Variants in C17orf75 observed in about 807,000 individuals in gnomAD.
C17orf75 encodes the protein chromosome 17 open reading frame 75, also known as protein Njmu-R1.
Under a neutral mutation model 49.6 loss-of-function variants are expected in C17orf75, and 32 were observed. The ratio of observed to expected loss-of-function variants is 0.65; its 90% confidence interval spans 0.49 to 0.87. C17orf75 has a LOEUF of 0.87. C17orf75 is among the 40% of genes least tolerant of loss of function. The probability of loss-of-function intolerance (pLI) is 0.00; values close to 1 mark genes in which losing one functional copy is unlikely to be tolerated. For synonymous variants in C17orf75, 158 were observed against 159.5 expected (o/e 0.99, Z 0.07); for missense variants, 428 against 473.9 (o/e 0.90, Z 0.90).
upstream of C17orf75, among the ~76,000 whole-genome samples, chr17:32,346,062 C>T (rs1471640307): frequency 2.0e-5 from 3 of 152,080 alleles, no homozygotes. Context: ...ATTCTGGTGT[C>T]TCCAGCTCTA....
At chr17:32,333,940 C>T (rs1003431042) in intron 8 of C17orf75, among the ~76,000 whole-genome samples, 3 of 152,202 alleles carry the variant, frequency 2.0e-5, no homozygotes, top group African/African-American at 7.2e-5. Flanking sequence ...GATAATCATT[C>T]CCACAGACGT....
chr17:32,337,612 C>T (rs961673073), intron 5 of C17orf75, among the ~76,000 whole-genome samples: 7 of 152,096 alleles, frequency 4.6e-5, no homozygotes, highest in Admixed American at 1.3e-4. Context: ...TTAACTCTGT[C>T]GCTCAGGCTG....
upstream of C17orf75, chr17:32,343,886 G>A (rs2041404285): frequency 5.9e-6 from 4 of 679,474 alleles, no homozygotes; most frequent in South Asian, 1.5e-5. Context: ...AGTTACCACA[G>A]TCATGAGGAT....
chr17:32,339,080 G>C (rs2041353483), intron 3 of C17orf75, among the ~76,000 whole-genome samples: 1 of 151,874 alleles, frequency 6.6e-6, no homozygotes, highest in Admixed American at 6.6e-5. Flanking sequence ...AACAGAGTGA[G>C]ACTCTGTCTT....
intron 5 of C17orf75, 121 bp downstream of exon 5, chr17:32,337,776 G>A (rs1372062021): frequency 8.0e-6 from 6 of 753,732 alleles, no homozygotes; most frequent in East Asian, 3.1e-5. Flanking sequence ...ATATTGACCA[G>A]GCTGGTCTCT....
At chr17:32,339,029 T>G (rs1342116883) in intron 3 of C17orf75, among the ~76,000 whole-genome samples, 1 of 152,014 alleles carries the variant, frequency 6.6e-6, no homozygotes, top group African/African-American at 2.4e-5. Flanking sequence ...AGGCGGAGGT[T>G]GCAGTAAGCC....
At chr17:32,337,612 C>CATTATTTTTTTAACTCCA (rs754959556) in intron 5 of C17orf75, among the ~76,000 whole-genome samples, 131 of 152,214 alleles carry the variant, frequency 8.6e-4, no homozygotes, top group Non-Finnish European at 1.2e-3. Context: ...TTAACTCTGT[C>CATTATTTTTTTAACTCCA]GCTCAGGCTG....
At chr17:32,341,858 G>A in intron 1 of C17orf75, 142 bp downstream of exon 1, 1 of 1,081,738 alleles carries the variant, frequency 9.2e-7, no homozygotes, top group Non-Finnish European at 1.1e-6. Flanking sequence ...CTTCAGGCCA[G>A]AGACCTTGGC....
At chr17:32,341,937 C>T (rs2041384464) in intron 1 of C17orf75, 63 bp downstream of exon 1, 64 of 1,162,592 alleles carry the variant, frequency 5.5e-5, no homozygotes, top group South Asian at 1.5e-4. Context: ...CAAGGCCGGG[C>T]GGCGGGCCGG....
upstream of C17orf75, chr17:32,342,228 G>A: frequency 1.4e-6 from 2 of 1,392,952 alleles, no homozygotes; most frequent in Non-Finnish European, 1.9e-6. Context: ...TCCGGCTCCC[G>A]GCCCTCGCAC....
upstream of C17orf75, among the ~76,000 whole-genome samples, chr17:32,346,750 T>G (rs977687871): frequency 1.8e-4 from 27 of 152,266 alleles, no homozygotes; most frequent in Admixed American, 5.2e-4. Flanking sequence ...TTTTTGTATT[T>G]TTAGCAGAGA....
At position 32,338,300 on chromosome 17, in the gene C17orf75, T is replaced by A. The variant is rs767459452; in HGVS notation, c.399A>T (p.Lys133Asn). Residue 133 changes from lysine to asparagine, a missense_variant, in exon 4 of 10, where the codon AAA (lysine) becomes AAT (asparagine). By Grantham distance (94) the Lys-to-Asn change is moderately conservative (BLOSUM62 0). Coordinates refer to ENST00000577809, the MANE Select transcript of C17orf75 (RefSeq NM_022344.4). Reference sequence around the variant, plus strand: ...CTATCGTTACTGTTTCAGGAAGCAGTTTTTCATTTTGGAAAAGGCAGTAAT... The same window carrying A: ...CTATCGTTACTGTTTCAGGAAGCAGATTTTCATTTTGGAAAAGGCAGTAAT... ...GCYYCLFQNE[K>N]LLPETVTIDS... is the part of the protein sequence containing the mutation. 1.9e-5 allele frequency: 31 copies of A among 1,611,886 alleles called. No homozygotes were observed. The South Asian group carries it at 3.3e-4, about 17-fold the overall frequency.
chr17:32,329,612 A>G lies in C17orf75; in HGVS notation c.*2151T>C, dbSNP rs2041258684. 1 of 152,184 alleles carries G rather than the reference A, an allele frequency of 6.6e-6. No homozygotes were observed. The highest frequency in any genetic ancestry group is 1.5e-5 in the Non-Finnish European group (1 of 68,026). 9.4% of individuals were successfully genotyped at this position (152,184 alleles called of 1,614,324 possible). A position where few individuals can be genotyped will look rare whatever the true frequency, so the allele number is the denominator to read the frequency against. On this transcript the variant is annotated 3_prime_UTR_variant, in exon 10 of 10. Coordinates refer to ENST00000577809, the MANE Select transcript of C17orf75 (RefSeq NM_022344.4). ...GAGAATATGTAATTACACCTTGCCT[A>G]TATCCATAAATGATTTGAAGCAGGT... is the stretch of plus-strand genomic sequence containing the variant.
At chr17:32,344,378 G>A (rs1334269665), upstream of C17orf75, among the ~76,000 whole-genome samples, 2 of 152,126 alleles carry the variant, frequency 1.3e-5, no homozygotes, top group Non-Finnish European at 1.5e-5. Flanking sequence ...AGCACTTTGG[G>A]AGGCCGAGGC....
intron 2 of C17orf75, 131 bp downstream of exon 2, chr17:32,341,073 A>G: frequency 1.1e-6 from 1 of 933,842 alleles, no homozygotes. Context: ...TGAGGTTCCT[A>G]GGGGATAGGA....
At chr17:32,342,456 T>C (rs533467880), upstream of C17orf75, among the ~76,000 whole-genome samples, 2 of 152,398 alleles carry the variant, frequency 1.3e-5, no homozygotes, top group Non-Finnish European at 2.9e-5. Context: ...ATAAGGCTAC[T>C]CGTCTGCCTC....
In C17orf75 at chr17:32,338,279, C is replaced by G; in HGVS notation, c.420G>C (p.Thr140=). 1 of 1,612,784 alleles carries G rather than the reference C, an allele frequency of 6.2e-7. No homozygotes were observed. Among genetic ancestry groups the G allele is most frequent in the South Asian group, 1.1e-5 (1 of 90,644 alleles). Residue 140 remains threonine (T), a synonymous_variant, in exon 4 of 10, where the codon ACG becomes ACC. Coordinates refer to ENST00000577809, the MANE Select transcript of C17orf75 (RefSeq NM_022344.4). ...QNEKLLPETV[T]IDSERNPSEY... Reference sequence around the variant, plus strand: ...CTGAAGGGTTACGTTCAGAGTCTATCGTTACTGTTTCAGGAAGCAGTTTTT... The same window carrying G: ...CTGAAGGGTTACGTTCAGAGTCTATGGTTACTGTTTCAGGAAGCAGTTTTT...
chr17:32,344,130 C>G, upstream of C17orf75: 1 of 543,778 alleles, frequency 1.8e-6, no homozygotes, highest in South Asian at 2.2e-5. Context: ...TTCATTTGCC[C>G]AGACTGAAAG....
upstream of C17orf75, among the ~76,000 whole-genome samples, chr17:32,345,448 C>T (rs1475555728): frequency 6.6e-6 from 1 of 152,088 alleles, no homozygotes; most frequent in Non-Finnish European, 1.5e-5. Flanking sequence ...TGCTCTCCAG[C>T]CTGGGCAACA....
Sources: allele counts gnomAD v4.1 joint callset (sites outside exome capture counted in the v4.1 genomes callset), GRCh38; gene constraint gnomAD v4.1.1; transcripts MANE v1.5; gene names NCBI Gene and HGNC (gene_info 2026-07-23, HGNC 2026-07-21).